Variants in RUNX1T1 observed in about 807,000 individuals in gnomAD.
The protein encoded by RUNX1T1 is RUNX1 partner transcriptional co-repressor 1.
RUNX1T1 carries 4 observed loss-of-function variants against 62.8 expected under a neutral mutation model. That is an observed-to-expected ratio of 0.06 (90% confidence interval 0.03 to 0.15). The LOEUF (loss-of-function observed/expected upper bound fraction) is 0.15. RUNX1T1 is among the 10% of genes least tolerant of loss of function. The pLI is 1.00. For missense variants in RUNX1T1, 508 were observed against 754.3 expected (o/e 0.67, Z 3.82); for synonymous variants, 291 against 286.0 (o/e 1.02, Z -0.18).
chr8:92,047,527 T>C (rs1293362665), intron 1 of RUNX1T1, among the ~76,000 whole-genome samples: 1 of 152,126 alleles, frequency 6.6e-6, no homozygotes, highest in Non-Finnish European at 1.5e-5. Flanking sequence ...TACACTAGAA[T>C]GTAAGTTCTA....
intron 1 of RUNX1T1, among the ~76,000 whole-genome samples, chr8:92,023,865 C>T (rs1345674509): frequency 1.3e-5 from 2 of 152,272 alleles, no homozygotes; most frequent in African/African-American, 4.8e-5. Flanking sequence ...AGACATAGCA[C>T]CTAGTCCAAG....
intron 8 of RUNX1T1, among the ~76,000 whole-genome samples, chr8:91,978,951 T>C (rs944747850): frequency 6.6e-6 from 1 of 152,242 alleles, no homozygotes; most frequent in Middle Eastern, 3.2e-3. Context: ...AAGCCAATTA[T>C]GCAAAAGTTT....
upstream of RUNX1T1, chr8:92,102,755 T>A (rs911107892): frequency 1.9e-5 from 23 of 1,237,108 alleles, no homozygotes; most frequent in African/African-American, 2.5e-4. The surrounding 1 kb of genome is among the most constrained non-coding windows in gnomAD (Gnocchi z 4.5). Flanking sequence ...CGCGGTCGAA[T>A]AATCCAAACG....
chr8:92,035,043 C>T (rs1000234472), intron 1 of RUNX1T1, among the ~76,000 whole-genome samples: 2 of 151,888 alleles, frequency 1.3e-5, no homozygotes, highest in Non-Finnish European at 2.9e-5. Context: ...CCCTGTAATC[C>T]CAGCACTTTG....
In RUNX1T1 at chr8:92,029,725, C is replaced by T. The variant is rs750184681; in HGVS notation, c.8-12362G>A. ...AAGCCACCACTATCTTCCACTTGGACTTTACAACCTCTCACACCACACTGC... is the reference window on the plus strand; with the variant it reads ...AAGCCACCACTATCTTCCACTTGGATTTTACAACCTCTCACACCACACTGC... On this transcript the variant is annotated intron_variant, in intron 1 of 10. Transcript: ENST00000396218. Among the ~76,000 whole-genome samples the T allele has an allele frequency of 4.4e-4, 67 of 152,126 alleles. 1 individual carries two copies. The highest frequency in any genetic ancestry group is 1.6e-4 in the Non-Finnish European group (11 of 68,032).
chr8:92,067,173 A>G (rs919243751), upstream of RUNX1T1, among the ~76,000 whole-genome samples: 6 of 152,238 alleles, frequency 3.9e-5, no homozygotes, highest in African/African-American at 1.4e-4. Flanking sequence ...GAGTCAAGTA[A>G]AAGAAAACAT....
At chr8:91,986,386 T>C in intron 7 of RUNX1T1, 61 bp from the exon 9 acceptor site, 4 of 1,348,068 alleles carry the variant, frequency 3.0e-6, no homozygotes. Flanking sequence ...AAGATTTTGC[T>C]GAGTAGTGAA....
chr8:92,016,311 A>G (rs543320112), intron 2 of RUNX1T1, among the ~76,000 whole-genome samples: 4 of 152,072 alleles, frequency 2.6e-5, no homozygotes, highest in South Asian at 2.1e-4. Context: ...AATACACTCT[A>G]TTGAGAGAAC....
At chr8:92,073,426 T>A (rs1008749191) in intron 2 of RUNX1T1, among the ~76,000 whole-genome samples, 3 of 152,176 alleles carry the variant, frequency 2.0e-5, no homozygotes, top group Non-Finnish European at 2.9e-5. Flanking sequence ...CCCAGCCTGC[T>A]TCAAACTTGC....
chr8:92,029,315 A>C (rs1018725759), intron 1 of RUNX1T1, among the ~76,000 whole-genome samples: 4 of 152,176 alleles, frequency 2.6e-5, no homozygotes, highest in Non-Finnish European at 5.9e-5. Context: ...GAATAGGATA[A>C]AAGTGGCAAC....
intron 1 of RUNX1T1, among the ~76,000 whole-genome samples, chr8:92,026,539 C>T (rs946430424): frequency 2.0e-5 from 3 of 152,182 alleles, no homozygotes; most frequent in Non-Finnish European, 2.9e-5. Context: ...CTGCATCTTC[C>T]GGCTGGGCAC....
chr8:92,069,281 A>G (rs1419269748), intron 2 of RUNX1T1, among the ~76,000 whole-genome samples: 2 of 152,186 alleles, frequency 1.3e-5, no homozygotes, highest in East Asian at 3.8e-4. Context: ...ACTATTTTAC[A>G]CAGCAACAAA....
chr8:92,091,936 T>C (rs896811636), intron 1 of RUNX1T1, among the ~76,000 whole-genome samples: 7 of 152,220 alleles, frequency 4.6e-5, no homozygotes, highest in Non-Finnish European at 8.8e-5. Flanking sequence ...TGTGCCTGCC[T>C]TCCCCTTTAT....
chr8:92,075,930 A>T, intron 2 of RUNX1T1, 35 bp downstream of exon 2: 1 of 1,568,832 alleles, frequency 6.4e-7, no homozygotes, highest in Non-Finnish European at 8.6e-7. Context: ...GTACGTAAGT[A>T]AATTGCAAAA....
At chr8:92,041,878 G>A (rs1198322377) in intron 1 of RUNX1T1, among the ~76,000 whole-genome samples, 1 of 150,344 alleles carries the variant, frequency 6.7e-6, no homozygotes. Flanking sequence ...GAATGCAGTG[G>A]TGAGATCTCG....
intron 2 of RUNX1T1, among the ~76,000 whole-genome samples, chr8:92,074,056 G>T (rs192822466): frequency 6.6e-6 from 1 of 152,124 alleles, no homozygotes; most frequent in African/African-American, 2.4e-5. Context: ...TTACAAAATA[G>T]GTCAATACAA....
chr8:92,061,142 T>C (rs1053083995), intron 1 of RUNX1T1, among the ~76,000 whole-genome samples: 3 of 152,240 alleles, frequency 2.0e-5, no homozygotes, highest in Non-Finnish European at 1.5e-5. Context: ...CGTTCACCTA[T>C]TATAATTCAC....
At chr8:91,970,043 T>TTGTGTGTGTG (rs1554595113) in intron 10 of RUNX1T1, among the ~76,000 whole-genome samples, 1 of 142,716 alleles carries the variant, frequency 7.0e-6, no homozygotes, top group African/African-American at 2.7e-5. Context: ...TGTGTGTGTG[T>TTGTGTGTGTG]TGTGTGTGTG....
intron 8 of RUNX1T1, 147 bp from the exon 10 acceptor site, chr8:91,976,120 T>C (rs985308037): frequency 3.6e-5 from 21 of 585,542 alleles, no homozygotes; most frequent in Middle Eastern, 9.3e-4. Context: ...TTTCACTTCT[T>C]GAAAACACAT....
Sources: gnomAD v4.1 joint callset for allele counts (sites outside exome capture counted in the v4.1 genomes callset) on GRCh38, gnomAD v4.1.1 for gene constraint, Gnocchi (gnomAD v3.1) non-coding constraint, MANE v1.5 for transcripts, NCBI Gene and HGNC (gene_info 2026-07-23, HGNC 2026-07-21) for gene names.